The following SPATA24 variants were observed in gnomAD, a reference collection of about 807,000 sequenced individuals.
SPATA24 encodes the protein spermatogenesis-associated protein 24.
Under a neutral mutation model 28.9 loss-of-function variants are expected in SPATA24, and 21 were observed. That is an observed-to-expected ratio of 0.73 (90% CI 0.52 to 1.05). The LOEUF is 1.05. Ranked by LOEUF, SPATA24 falls within the 50% of genes least tolerant of loss-of-function variation. SPATA24 has a pLI of 0.00. For synonymous variants in SPATA24, 76 were observed against 89.9 expected (o/e 0.85, Z 0.88); for missense variants, 215 against 242.9 (o/e 0.88, Z 0.76).
At chr5:139,394,379 C>T (rs770336987), downstream of SPATA24, 2 of 1,407,528 alleles carry the variant, frequency 1.4e-6, no homozygotes, top group Non-Finnish European at 9.2e-7. Flanking sequence ...TCCAGGGAAC[C>T]GGTGCGCAGG....
Position 139,404,036 on chromosome 5 carries a change from T to C in SPATA24, c.25A>G (p.Lys9Glu), listed in dbSNP as rs760057919. The C allele has an allele frequency of 1.9e-6, 3 of 1,551,826 alleles. No homozygotes were observed. Among genetic ancestry groups the C allele is most frequent in the South Asian group, 2.4e-5 (2 of 84,054 alleles). Residue 9 changes from lysine (K) to glutamate (E), a missense_variant, in exon 1 of 6, where the codon AAG becomes GAG. Transcript: ENST00000450845. MATPLGWS[K>E]AGSGSVCLAL... Reference sequence around the variant, plus strand: ...AGACACACAGATCCTGACCCCGCCTTCGACCACCCGAGGGGCGTCGCCATC... The same window carrying C: ...AGACACACAGATCCTGACCCCGCCTCCGACCACCCGAGGGGCGTCGCCATC...
Position 139,397,213 on chromosome 5 carries a change from C to T in SPATA24, c.386-70G>A, listed in dbSNP as rs1758730517. 4 of 1,208,748 alleles carry T rather than the reference C, an allele frequency of 3.3e-6. No individual in the cohort carries two copies. The Admixed American group carries it at 8.4e-5, about 25-fold the overall frequency. 74.9% of individuals were successfully genotyped at this position (1,208,748 alleles called of 1,614,324 possible). On this transcript the variant is annotated intron_variant, in intron 4 of 5. Coordinates refer to ENST00000450845, the MANE Select transcript of SPATA24 (RefSeq NM_194296.2). ...GGCTCCTTCCTGAGATAAGGCATTCCCTCACGGGGCTTTTCAGAGCTTGGC... is the reference window on the plus strand; with the variant it reads ...GGCTCCTTCCTGAGATAAGGCATTCTCTCACGGGGCTTTTCAGAGCTTGGC...
chr5:139,396,179 T>C (rs1490292923), downstream of SPATA24: 1 of 985,180 alleles, frequency 1.0e-6, no homozygotes, highest in Non-Finnish European at 1.2e-6. Context: ...CTGAAGTGGG[T>C]CCTCTGCCTG....
downstream of SPATA24, chr5:139,394,722 C>T (rs1356722218): frequency 1.3e-6 from 2 of 1,532,202 alleles, no homozygotes; most frequent in Admixed American, 2.0e-5. Context: ...AGCAGCCGAA[C>T]AGGGGTCCGA....
At chr5:139,400,090 TGGCC>T (rs1426844308) in intron 4 of SPATA24, among the ~76,000 whole-genome samples, 1 of 152,132 alleles carries the variant, frequency 6.6e-6, no homozygotes, top group Non-Finnish European at 1.5e-5. Context: ...TCAGCCTGCC[TGGCC>T]AGATCAAGAT....
downstream of SPATA24, among the ~76,000 whole-genome samples, chr5:139,395,935 C>T (rs1758696082): frequency 6.6e-6 from 1 of 152,188 alleles, no homozygotes; most frequent in South Asian, 2.1e-4. Flanking sequence ...TTCACAAGGC[C>T]CTAACTTCAG....
Position 139,401,718 on chromosome 5 carries a change from A to C in SPATA24, c.385+37T>G, listed in dbSNP as rs545900274. 142 of 1,546,760 alleles carry C rather than the reference A, an allele frequency of 9.2e-5. 1 individual carries two copies. The South Asian group carries it at 1.2e-3, about 13-fold the overall frequency. ...TGGGTGGTTAGGAAAGAGCCCGTTT[A>C]TATAACCGTGGTGGAGAGCACGGGC... On this transcript the variant is annotated intron_variant, in intron 4 of 5. Coordinates refer to ENST00000450845, the MANE Select transcript of SPATA24 (RefSeq NM_194296.2).
chr5:139,402,246 C>T (rs933329347), intron 2 of SPATA24, among the ~76,000 whole-genome samples: 24 of 151,246 alleles, frequency 1.6e-4, no homozygotes, highest in Non-Finnish European at 2.9e-4. Flanking sequence ...CAGAGTCTCA[C>T]TCTGTTGCAC....
intron 2 of SPATA24, 70 bp from the exon 3 acceptor site, chr5:139,402,115 C>T: frequency 2.0e-6 from 3 of 1,499,198 alleles, no homozygotes; most frequent in African/African-American, 2.8e-5. Flanking sequence ...CTTAACCAGC[C>T]CCCCTTCTCA....
At chr5:139,396,756 G>A (rs2152077748), downstream of SPATA24, 2 of 1,551,578 alleles carry the variant, frequency 1.3e-6, no homozygotes, top group South Asian at 1.2e-5. Context: ...AGAGAAGGCA[G>A]AGGCTGGGGA....
chr5:139,393,481 G>A, downstream of SPATA24: 7 of 1,551,678 alleles, frequency 4.5e-6, no homozygotes, highest in Non-Finnish European at 6.1e-6. Context: ...AGCTTCCTGA[G>A]TAAATGCTAT....
downstream of SPATA24, chr5:139,394,079 G>A: frequency 6.4e-7 from 1 of 1,550,894 alleles, no homozygotes; most frequent in Non-Finnish European, 8.7e-7. Context: ...ACAGGACCCA[G>A]CGGCTCCGTC....
At chr5:139,393,299 C>G (rs1758631897), downstream of SPATA24, 18 of 1,550,634 alleles carry the variant, frequency 1.2e-5, no homozygotes, top group Non-Finnish European at 1.4e-5. Flanking sequence ...AGGGTGCCCA[C>G]AGGGTGGCTG....
downstream of SPATA24, chr5:139,395,590 T>G (rs1758688131): frequency 6.5e-6 from 1 of 154,350 alleles, no homozygotes; most frequent in Non-Finnish European, 1.4e-5. Flanking sequence ...CCATTGCCAT[T>G]GCTGGCCTCA....
At chr5:139,400,567 CAA>C (rs1256259983) in intron 4 of SPATA24, among the ~76,000 whole-genome samples, 1 of 151,966 alleles carries the variant, frequency 6.6e-6, no homozygotes, top group Non-Finnish European at 1.5e-5. Context: ...CTTGGCCTCC[CAA>C]AGTGTTGGGA....
downstream of SPATA24, chr5:139,395,141 A>G: frequency 7.3e-7 from 1 of 1,366,682 alleles, no homozygotes; most frequent in Non-Finnish European, 9.5e-7. Context: ...TGGCGCCGGC[A>G]CTGTCCCCGC....
chr5:139,401,565 T>G (rs1291574227), intron 4 of SPATA24, 190 bp downstream of exon 4: 1 of 709,484 alleles, frequency 1.4e-6, no homozygotes, highest in South Asian at 1.5e-5. Flanking sequence ...GTACACCGAC[T>G]GCTTCCCTCA....
intron 2 of SPATA24, among the ~76,000 whole-genome samples, chr5:139,402,315 G>A (rs886496600): frequency 1.3e-4 from 19 of 151,602 alleles, no homozygotes; most frequent in Admixed American, 1.2e-3. Context: ...CTGGGTTCAA[G>A]CCAATTCTCC....
At chr5:139,393,824 G>A (rs199836215), downstream of SPATA24, 3,579 of 1,551,262 alleles carry the variant, frequency 2.3e-3, 5 homozygotes, top group Non-Finnish European at 2.9e-3. Flanking sequence ...CGAGTAGTCC[G>A]ATCCCACGGG....
Sources: gnomAD v4.1 joint callset for allele counts (sites outside exome capture counted in the v4.1 genomes callset) on GRCh38, gnomAD v4.1.1 for gene constraint, MANE v1.5 for transcripts, NCBI Gene and HGNC (gene_info 2026-07-23, HGNC 2026-07-21) for gene names.